ZMAT4: variants seen among roughly 807,000 people sequenced by gnomAD.
The protein encoded by ZMAT4 is zinc finger matrin-type protein 4.
In ZMAT4, 17 loss-of-function variants were observed where a neutral mutation model predicts 28.7. The ratio of observed to expected loss-of-function variants is 0.59; its 90% confidence interval spans 0.41 to 0.89. The LOEUF (loss-of-function observed/expected upper bound fraction) is 0.89, where lower values mean the gene tolerates loss of function less well. Among genes scored for constraint, ZMAT4 ranks in the 40% least tolerant of loss-of-function variants. The pLI, the probability that ZMAT4 is intolerant of heterozygous loss-of-function variation, is 0.00. For missense variants in ZMAT4, 240 were observed against 283.8 expected (o/e 0.85, Z 1.11); for synonymous variants, 117 against 109.2 (o/e 1.07, Z -0.44).
At chr8:40,789,984 C>T (rs944328881) in intron 2 of ZMAT4, among the ~76,000 whole-genome samples, 1 of 152,174 alleles carries the variant, frequency 6.6e-6, no homozygotes, top group African/African-American at 2.4e-5. Flanking sequence ...TACACTGCCC[C>T]ACTTCTAGTT....
At chr8:40,717,536 C>T (rs1810909402) in intron 3 of ZMAT4, among the ~76,000 whole-genome samples, 1 of 151,996 alleles carries the variant, frequency 6.6e-6, no homozygotes, top group Non-Finnish European at 1.5e-5. Flanking sequence ...TGGTGCATGC[C>T]TCTAGTCCCA....
intron 2 of ZMAT4, among the ~76,000 whole-genome samples, chr8:40,815,582 T>C (rs1222137209): frequency 6.6e-6 from 1 of 152,184 alleles, no homozygotes; most frequent in Non-Finnish European, 1.5e-5. Context: ...AGGAGAATCC[T>C]GTCCTTCCAT....
intron 2 of ZMAT4, among the ~76,000 whole-genome samples, chr8:40,784,839 AAAGTACAT>A (rs1334207800): frequency 6.6e-6 from 1 of 152,210 alleles, no homozygotes; most frequent in Non-Finnish European, 1.5e-5. Context: ...TGTGACGATA[AAAGTACAT>A]AAGTCAGTAA....
chr8:40,717,069 T>G (rs1325385596), intron 3 of ZMAT4, among the ~76,000 whole-genome samples: 1 of 152,182 alleles, frequency 6.6e-6, no homozygotes, highest in Non-Finnish European at 1.5e-5. Context: ...AGCTGAAACA[T>G]GTTGTATCTC....
chr8:40,563,428 A>G (rs533599001), intron 6 of ZMAT4, among the ~76,000 whole-genome samples: 10 of 152,294 alleles, frequency 6.6e-5, no homozygotes, highest in Admixed American at 5.2e-4. Context: ...TCTGACACTT[A>G]GCTAGACACA....
At chr8:40,798,800 T>C (rs892085293) in intron 2 of ZMAT4, among the ~76,000 whole-genome samples, 1 of 152,220 alleles carries the variant, frequency 6.6e-6, no homozygotes, top group Non-Finnish European at 1.5e-5. Context: ...GTTCTATCAG[T>C]AAATAAAACG....
intron 6 of ZMAT4, among the ~76,000 whole-genome samples, chr8:40,535,116 C>T (rs546968974): frequency 6.6e-6 from 1 of 152,232 alleles, no homozygotes; most frequent in South Asian, 2.1e-4. Flanking sequence ...AGAAGTGTCC[C>T]TGTCAGGGAA....
intron 5 of ZMAT4, among the ~76,000 whole-genome samples, chr8:40,653,133 A>T (rs1807757872): frequency 6.6e-6 from 1 of 152,090 alleles, no homozygotes; most frequent in Non-Finnish European, 1.5e-5. Flanking sequence ...GTAGAAATTG[A>T]ACCACACACT....
intron 5 of ZMAT4, among the ~76,000 whole-genome samples, chr8:40,649,579 T>C (rs933207678): frequency 6.6e-5 from 10 of 152,280 alleles, no homozygotes; most frequent in African/African-American, 2.2e-4. Context: ...GCAGACCTAA[T>C]AGACATCTAC....
intron 3 of ZMAT4, among the ~76,000 whole-genome samples, chr8:40,711,654 A>G (rs1810629333): frequency 6.6e-6 from 1 of 152,240 alleles, no homozygotes; most frequent in South Asian, 2.1e-4. Context: ...AGAAACCTGC[A>G]GACTAAAATA....
chr8:40,601,741 A>C (rs574865795), intron 5 of ZMAT4, among the ~76,000 whole-genome samples: 1 of 151,944 alleles, frequency 6.6e-6, no homozygotes, highest in Non-Finnish European at 1.5e-5. Flanking sequence ...GAAAGCAGGC[A>C]GGCAGGCAGG....
At chr8:40,825,245 C>T (rs1279225589) in intron 2 of ZMAT4, among the ~76,000 whole-genome samples, 1 of 152,146 alleles carries the variant, frequency 6.6e-6, no homozygotes, top group African/African-American at 2.4e-5. Context: ...CAATGCATTG[C>T]ACCCTGGATC....
chr8:40,621,362 C>T (rs1345256851), intron 5 of ZMAT4, among the ~76,000 whole-genome samples: 1 of 152,146 alleles, frequency 6.6e-6, no homozygotes, highest in African/African-American at 2.4e-5. Context: ...AAGACAATCC[C>T]CAACTAGTAC....
At chr8:40,555,521 T>C (rs1177519471) in intron 6 of ZMAT4, among the ~76,000 whole-genome samples, 1 of 152,174 alleles carries the variant, frequency 6.6e-6, no homozygotes, top group Non-Finnish European at 1.5e-5. Context: ...GATCTTCAAT[T>C]CTCATAGTCC....
chr8:40,779,167 T>C (rs1212700133), intron 2 of ZMAT4, among the ~76,000 whole-genome samples: 3 of 152,062 alleles, frequency 2.0e-5, no homozygotes, highest in Non-Finnish European at 4.4e-5. Context: ...TCTCACAAGA[T>C]CTGATGGTTT....
At chr8:40,778,199 T>C (rs1053515281) in intron 2 of ZMAT4, among the ~76,000 whole-genome samples, 4 of 152,214 alleles carry the variant, frequency 2.6e-5, no homozygotes, top group African/African-American at 9.7e-5. Context: ...CATCAAATTA[T>C]ATTTTAAAAG....
chr8:40,653,618 T>A (rs987975208), intron 5 of ZMAT4, among the ~76,000 whole-genome samples: 1 of 152,150 alleles, frequency 6.6e-6, no homozygotes, highest in African/African-American at 2.4e-5. Flanking sequence ...GAAAGGATTG[T>A]TAGTTAATAC....
chr8:40,770,805 T>A (rs1813359468), intron 2 of ZMAT4, among the ~76,000 whole-genome samples: 1 of 151,954 alleles, frequency 6.6e-6, no homozygotes, highest in African/African-American at 2.4e-5. Flanking sequence ...ACCTCAGCCA[T>A]CCTTTCCTTT....
intron 4 of ZMAT4, among the ~76,000 whole-genome samples, chr8:40,692,226 T>A (rs1288848934): frequency 6.6e-6 from 1 of 152,126 alleles, no homozygotes; most frequent in Non-Finnish European, 1.5e-5. Context: ...CCATCCAGCC[T>A]TGTTACTGAA....
Sources: allele counts gnomAD v4.1 joint callset (sites outside exome capture counted in the v4.1 genomes callset), GRCh38; gene constraint gnomAD v4.1.1; transcripts MANE v1.5; gene names NCBI Gene and HGNC (gene_info 2026-07-23, HGNC 2026-07-21).